AMELX: variants seen among roughly 807,000 people sequenced by gnomAD.
AMELX encodes the protein amelogenin X-linked.
A neutral mutation model predicts 15.8 loss-of-function variants in AMELX; 9 were observed. That is an observed-to-expected ratio of 0.57 (90% confidence interval 0.34 to 0.99). The LOEUF (loss-of-function observed/expected upper bound fraction) is 0.99, where lower values mean the gene tolerates loss of function less well. Among genes scored for constraint, AMELX ranks in the 50% least tolerant of loss-of-function variants. AMELX has a pLI of 0.02. For synonymous variants in AMELX, 61 were observed against 58.8 expected (o/e 1.04, Z -0.17); for missense variants, 107 against 156.2 (o/e 0.68, Z 1.68).
intron 5 of AMELX, among the ~76,000 whole-genome samples, chrX:11,299,490 T>G (rs960371962): frequency 1.8e-5 from 2 of 111,971 alleles, no homozygotes; most frequent in African/African-American, 6.5e-5. Flanking sequence ...CAATCTAACT[T>G]GGAGGCGGCT....
chrX:11,306,506 AT>A, the AMELX span, among the ~76,000 whole-genome samples: 2 of 112,660 alleles, frequency 1.8e-5, no homozygotes, highest in African/African-American at 6.5e-5. Flanking sequence ...TTCAGGCACT[AT>A]TCTAAGCACA....
downstream of AMELX, among the ~76,000 whole-genome samples, chrX:11,302,644 C>T (rs1250402892): frequency 9.0e-6 from 1 of 111,308 alleles, no homozygotes; most frequent in Non-Finnish European, 1.9e-5. Flanking sequence ...CCCATAACCA[C>T]GCATGCTTTC....
In AMELX at chrX:11,298,444, T is replaced by C. The variant is rs2048120975; in HGVS notation, c.145-104T>C. Reference sequence around the variant, plus strand: ...GTTACAAATTTTTGCAAAGGAAAAATGAATAAAATATTCCTATAGCCATAA... The same window carrying C: ...GTTACAAATTTTTGCAAAGGAAAAACGAATAAAATATTCCTATAGCCATAA... On this transcript the variant is annotated intron_variant, in intron 4 of 5. Coordinates refer to ENST00000380714, the MANE Select transcript of AMELX (RefSeq NM_001142.2). The C allele has an allele frequency of 6.0e-6, 7 of 1,164,946 alleles. No homozygotes were observed. In the East Asian group the frequency reaches 2.1e-4, roughly 35 times the overall value.
At chrX:11,294,886 A>G in intron 2 of AMELX, 44 bp downstream of exon 2, 1 of 1,185,650 alleles carries the variant, frequency 8.4e-7, no homozygotes, top group Non-Finnish European at 1.1e-6. Flanking sequence ...CAATTTCACA[A>G]ACTTGGACAT....
At chrX:11,295,886 G>A (rs2048076792) in intron 2 of AMELX, among the ~76,000 whole-genome samples, 2 of 111,681 alleles carry the variant, frequency 1.8e-5, no homozygotes, top group South Asian at 7.6e-4. Context: ...ATGTCTGAGG[G>A]AGATTTTCTG....
downstream of AMELX, among the ~76,000 whole-genome samples, chrX:11,301,196 T>C (rs2048170796): frequency 1.8e-5 from 2 of 111,891 alleles, no homozygotes; most frequent in Non-Finnish European, 3.8e-5. Flanking sequence ...AAAAAGATTT[T>C]TAAATGAAAT....
intron 1 of AMELX, among the ~76,000 whole-genome samples, chrX:11,294,014 G>C (rs1231783846): frequency 1.8e-5 from 2 of 112,588 alleles, no homozygotes; most frequent in Non-Finnish European, 3.8e-5. Context: ...AGGAGGACCT[G>C]TTTTGCTTAA....
At chrX:11,302,156 G>A (rs375469173), downstream of AMELX, among the ~76,000 whole-genome samples, 11 of 111,976 alleles carry the variant, frequency 9.8e-5, no homozygotes, top group Non-Finnish European at 1.7e-4. Context: ...CAATTCCTCC[G>A]TCATAGTAGA....
intron 3 of AMELX, among the ~76,000 whole-genome samples, chrX:11,297,415 A>G (rs2048104581): frequency 8.9e-6 from 1 of 112,254 alleles, no homozygotes; most frequent in African/African-American, 3.2e-5. Context: ...CATCTGGAGA[A>G]AGGAAATAAT....
In AMELX at chrX:11,298,920, G is replaced by C. The variant is rs775826448; in HGVS notation, c.517G>C (p.Asp173His). ...GCAGCCCCTGCCTCCCATGCTTCCT[G>C]ATCTGACTCTGGAAGCTTGGCCATC... ...PMQPLPPMLP[D>H]LTLEAWPSTD... Residue 173 changes from aspartate (D) to histidine (H), a missense_variant, in exon 5 of 6, where the codon GAT (aspartate) becomes CAT (histidine). Asp to His is a moderately conservative substitution (Grantham distance 81, BLOSUM62 -1). Coordinates refer to ENST00000380714, the MANE Select transcript of AMELX (RefSeq NM_001142.2). 2.5e-6 allele frequency: 3 copies of C among 1,211,039 alleles called. No individual in the cohort carries two copies. The highest frequency in any genetic ancestry group is 5.9e-5 in the East Asian group (2 of 33,814).
At chrX:11,304,763 TTTTC>T (rs773293537), downstream of AMELX, among the ~76,000 whole-genome samples, 45 of 106,411 alleles carry the variant, frequency 4.2e-4, no homozygotes, top group Non-Finnish European at 6.8e-4. Context: ...AGGATTTCAT[TTTTC>T]TTTCTTTTAC....
At chrX:11,293,822 G>GT (rs1235212827) in intron 1 of AMELX, among the ~76,000 whole-genome samples, 2 of 112,021 alleles carry the variant, frequency 1.8e-5, no homozygotes, top group South Asian at 3.6e-4. Flanking sequence ...TCCATGAAGT[G>GT]TTTTTTCTCA....
At chrX:11,309,162 G>A in the AMELX span, among the ~76,000 whole-genome samples, 5 of 111,768 alleles carry the variant, frequency 4.5e-5, no homozygotes, top group South Asian at 3.8e-4. Flanking sequence ...AATCTTTCAC[G>A]TCTTCCTGGC....
intron 1 of AMELX, 44 bp downstream of exon 1, chrX:11,293,512 T>G (rs1394347749): frequency 8.9e-6 from 1 of 112,279 alleles, no homozygotes; most frequent in Non-Finnish European, 1.9e-5. Flanking sequence ...TTTATTGTGC[T>G]TATTTCTTTC....
chrX:11,309,495 TAGTTCTGAA>T, the AMELX span, among the ~76,000 whole-genome samples: 1 of 110,486 alleles, frequency 9.1e-6, no homozygotes, highest in Non-Finnish European at 1.9e-5. Context: ...GGGGAGCTCT[TAGTTCTGAA>T]AGTCCTCCCC....
At chrX:11,308,596 G>A in the AMELX span, among the ~76,000 whole-genome samples, 6 of 111,379 alleles carry the variant, frequency 5.4e-5, no homozygotes, top group Non-Finnish European at 1.1e-4. Flanking sequence ...CCAGTCGTCA[G>A]TCATTATATA....
Position 11,298,180 on chromosome X carries a change from T to C in AMELX, c.103-56T>C, listed in dbSNP as rs765441386. 9.1e-6 allele frequency: 11 copies of C among 1,206,878 alleles called. No individual in the cohort carries two copies. In the African/African-American group the frequency reaches 1.6e-4, roughly 17 times the overall value. On this transcript the variant is annotated intron_variant, in intron 3 of 5. Transcript: ENST00000380714. Reference sequence around the variant, plus strand: ...ATTTCCTACTGCATCAGTGAGTTTCTATATTGGATGAAAGTAAATTAAATC... The same window carrying C: ...ATTTCCTACTGCATCAGTGAGTTTCCATATTGGATGAAAGTAAATTAAATC...
At chrX:11,299,138 A>G (rs1160809932) in intron 5 of AMELX, among the ~76,000 whole-genome samples, 165 bp downstream of exon 5, 1 of 112,128 alleles carries the variant, frequency 8.9e-6, no homozygotes, top group Non-Finnish European at 1.9e-5. Flanking sequence ...TATGTTAAAG[A>G]CAAATTCCTC....
At position 11,298,628 on chromosome X, in the gene AMELX, G is replaced by A. The variant is rs142884100; in HGVS notation, c.225G>A (p.Pro75=). 4.1e-5 allele frequency: 50 copies of A among 1,207,864 alleles called. No individual in the cohort carries two copies. The East Asian group carries it at 1.2e-3, about 29-fold the overall frequency. ...IIPVLSQQHP[P]THTLQPHHHI... ...CCGTGCTGTCCCAACAGCACCCCCC[G>A]ACTCACACCCTGCAGCCTCATCACC... The change falls in exon 5 of 6, where the codon CCG becomes CCA. Residue 75 remains proline, a synonymous_variant. Coordinates refer to ENST00000380714, the MANE Select transcript of AMELX (RefSeq NM_001142.2).
Sources: allele counts gnomAD v4.1 joint callset (sites outside exome capture counted in the v4.1 genomes callset), GRCh38; gene constraint gnomAD v4.1.1; transcripts MANE v1.5; gene names NCBI Gene and HGNC (gene_info 2026-07-23, HGNC 2026-07-21).